The following SLC71A2 variants were observed in gnomAD, a reference collection of about 807,000 sequenced individuals.
SLC71A2 encodes solute carrier family 71 member 2, also known as hippocampus abundant transcript-like 1.
chr9:94,408,200 A>G, the SLC71A2 span, among the ~76,000 whole-genome samples: 1 of 152,192 alleles, frequency 6.6e-6, no homozygotes, highest in African/African-American at 2.4e-5. Flanking sequence ...ACCTCTACTT[A>G]TGGTTGGGTT....
At chr9:94,416,854 CA>C in the SLC71A2 span, among the ~76,000 whole-genome samples, 78,067 of 131,798 alleles carry the variant, frequency 0.59, 21,134 homozygotes, top group Admixed American at 0.67. Flanking sequence ...AACTCCATCT[CA>C]AAAAAAAAAA....
the SLC71A2 span, chr9:94,429,044 T>G: frequency 2.5e-6 from 3 of 1,218,086 alleles, no homozygotes; most frequent in Non-Finnish European, 3.4e-6. Context: ...TACCACAGTT[T>G]GTTTGTTTAT....
the SLC71A2 span, among the ~76,000 whole-genome samples, chr9:94,385,960 C>T: frequency 6.6e-6 from 1 of 152,088 alleles, no homozygotes; most frequent in Non-Finnish European, 1.5e-5. Flanking sequence ...GTGGTCGTGG[C>T]TCACTGTAAT....
At chr9:94,441,121 AT>A in the SLC71A2 span, 2 of 1,330,198 alleles carry the variant, frequency 1.5e-6, no homozygotes, top group Non-Finnish European at 2.1e-6. Flanking sequence ...GACTATATAT[AT>A]TTTTTAACCA....
chr9:94,384,941 T>C, the SLC71A2 span, among the ~76,000 whole-genome samples: 8 of 151,922 alleles, frequency 5.3e-5, no homozygotes, highest in African/African-American at 1.7e-4. Flanking sequence ...AAATAATGAG[T>C]TTGGCTCCCC....
the SLC71A2 span, among the ~76,000 whole-genome samples, chr9:94,381,226 G>A: frequency 6.7e-6 from 1 of 148,650 alleles, no homozygotes; most frequent in Non-Finnish European, 1.5e-5. Flanking sequence ...AGTAGAGACG[G>A]GGTTTCTCCA....
At chr9:94,407,465 G>A in the SLC71A2 span, among the ~76,000 whole-genome samples, 4 of 149,964 alleles carry the variant, frequency 2.7e-5, no homozygotes, top group Non-Finnish European at 4.4e-5. Flanking sequence ...TGCAACCTCC[G>A]CCTCCCAGAT....
At chr9:94,417,863 C>A in the SLC71A2 span, among the ~76,000 whole-genome samples, 1 of 15,458 alleles carries the variant, frequency 6.5e-5, no homozygotes. Flanking sequence ...ACCCCACCCC[C>A]CCCCCCCCCC....
the SLC71A2 span, among the ~76,000 whole-genome samples, chr9:94,418,136 C>T: frequency 1.3e-5 from 2 of 152,184 alleles, no homozygotes; most frequent in Admixed American, 6.5e-5. Context: ...GCTGGGATTA[C>T]AGGCATGAGC....
the SLC71A2 span, among the ~76,000 whole-genome samples, chr9:94,448,162 C>T: frequency 1.3e-5 from 2 of 152,082 alleles, no homozygotes; most frequent in African/African-American, 4.8e-5. Context: ...CAGACCTGCC[C>T]TTGTTCCAGG....
chr9:94,422,206 T>C, the SLC71A2 span, among the ~76,000 whole-genome samples: 2 of 152,172 alleles, frequency 1.3e-5, no homozygotes, highest in African/African-American at 4.8e-5. Flanking sequence ...ATTAAATGCT[T>C]TATGTGTGAC....
At chr9:94,445,449 A>G in the SLC71A2 span, among the ~76,000 whole-genome samples, 1 of 152,146 alleles carries the variant, frequency 6.6e-6, no homozygotes, top group South Asian at 2.1e-4. Context: ...TTCTTTTTGC[A>G]TGGTTGTTTT....
chr9:94,459,560 C>T, the SLC71A2 span: 3 of 637,166 alleles, frequency 4.7e-6, no homozygotes, highest in Non-Finnish European at 5.0e-6. Context: ...TCATTCTGCT[C>T]ATCCTCCTCC....
chr9:94,413,695 C>A, the SLC71A2 span, among the ~76,000 whole-genome samples: 2 of 148,748 alleles, frequency 1.3e-5, no homozygotes, highest in African/African-American at 4.9e-5. Flanking sequence ...AAGAAACAAC[C>A]CTTATACTTA....
the SLC71A2 span, among the ~76,000 whole-genome samples, chr9:94,455,377 G>GTTT: frequency 1.5e-5 from 1 of 66,394 alleles, no homozygotes; most frequent in Non-Finnish European, 2.8e-5. Context: ...CTAATATTCT[G>GTTT]ATTTTTTTTT....
the SLC71A2 span, among the ~76,000 whole-genome samples, chr9:94,387,897 T>G: frequency 2.6e-5 from 4 of 152,240 alleles, no homozygotes; most frequent in African/African-American, 9.6e-5. Context: ...GAAGAAAAAC[T>G]TAAAATTCTG....
chr9:94,383,164 T>TTTG, the SLC71A2 span, among the ~76,000 whole-genome samples: 1 of 141,726 alleles, frequency 7.1e-6, no homozygotes, highest in Non-Finnish European at 1.5e-5. Context: ...TTTACATCTT[T>TTTG]TTTTTTTTTT....
At chr9:94,423,263 CTCTT>C in the SLC71A2 span, among the ~76,000 whole-genome samples, 6 of 105,968 alleles carry the variant, frequency 5.7e-5, no homozygotes, top group South Asian at 3.1e-4. Context: ...TTCTCTCTCT[CTCTT>C]TTTTTTTTTT....
At chr9:94,439,068 CTGGA>C in the SLC71A2 span, among the ~76,000 whole-genome samples, 42,983 of 135,980 alleles carry the variant, frequency 0.32, 6,788 homozygotes, top group Admixed American at 0.47. Flanking sequence ...GTTGACTAGG[CTGGA>C]GTGCAGTGGC....
Sources: allele counts gnomAD v4.1 joint callset (sites outside exome capture counted in the v4.1 genomes callset), GRCh38; gene constraint gnomAD v4.1.1; transcripts MANE v1.5; gene names NCBI Gene and HGNC (gene_info 2026-07-23, HGNC 2026-07-21).